The following TACC2 variants were observed in gnomAD, a reference collection of about 807,000 sequenced individuals.
TACC2 encodes transforming acidic coiled-coil containing protein 2.
A neutral mutation model predicts 227.3 loss-of-function variants in TACC2; 137 were observed. The observed-to-expected ratio is 0.60, with a 90% CI of 0.52 to 0.69. The LOEUF (loss-of-function observed/expected upper bound fraction) is 0.69, where lower values mean the gene tolerates loss of function less well. Among genes scored for constraint, TACC2 ranks in the 30% least tolerant of loss-of-function variants. The pLI is 0.00. For synonymous variants in TACC2, 1,523 were observed against 1,487.5 expected (o/e 1.02, Z -0.55); for missense variants, 3,470 against 3,694.4 (o/e 0.94, Z 1.57).
rs996266300 is a variant in TACC2 at position 122,205,848 on chromosome 10, A to G, written c.5972-4549A>G. The stretch of plus-strand genomic sequence containing the variant: ...CCCACAGCAACCAGCAAACTGCCAC[A>G]GAAAGACCAAGTACTGCTTTGTATC... On this transcript the variant is annotated intron_variant, in intron 8 of 22. Coordinates refer to ENST00000369005, the MANE Select transcript of TACC2 (RefSeq NM_206862.4). This position sits in a 1 kb window ranked among gnomAD's most constrained non-coding sequence, Gnocchi z 4.5. Among the ~76,000 whole-genome samples the G allele has an allele frequency of 6.6e-6, 1 of 152,258 alleles. No individual in the cohort carries two copies. Among genetic ancestry groups the G allele is most frequent in the African/African-American group, 2.4e-5 (1 of 41,468 alleles).
chr10:122,030,475 G>A (rs775090337), intron 2 of TACC2, among the ~76,000 whole-genome samples: 47 of 152,118 alleles, frequency 3.1e-4, no homozygotes, highest in Non-Finnish European at 5.4e-4. Flanking sequence ...TGCAGGCGAC[G>A]GATGTTCTAA....
chr10:122,192,453 C>G (rs1019571106), intron 7 of TACC2: 9 of 331,790 alleles, frequency 2.7e-5, no homozygotes, highest in Non-Finnish European at 4.2e-5. Context: ...TCGCCAGTGC[C>G]CAGGAATGCA....
intron 5 of TACC2, among the ~76,000 whole-genome samples, chr10:122,111,949 A>C (rs2083687517): frequency 1.3e-5 from 2 of 152,228 alleles, no homozygotes; most frequent in Admixed American, 1.3e-4. Context: ...AGTTTCCATA[A>C]AAAATGTGAC....
At chr10:122,036,483 G>A (rs1474755905) in intron 2 of TACC2, among the ~76,000 whole-genome samples, 3 of 143,508 alleles carry the variant, frequency 2.1e-5, no homozygotes, top group Non-Finnish European at 1.5e-5. Flanking sequence ...ATGCGCCACC[G>A]TGCCTGGCAA....
chr10:122,050,377 T>G lies in TACC2; in HGVS notation c.34-61T>G, dbSNP rs2136195756. 1 of 1,355,502 alleles carries G rather than the reference T, an allele frequency of 7.4e-7. No individual in the cohort carries two copies. The highest frequency in any genetic ancestry group is 1.8e-4 in the Middle Eastern group (1 of 5,468). The allele number at this position is 1,355,502 out of a possible 1,614,324, so 84.0% of individuals were successfully genotyped here. A position where few individuals can be genotyped will look rare whatever the true frequency, so the allele number is the denominator to read the frequency against. The stretch of plus-strand genomic sequence containing the variant: ...TGGTGGGTGCCCTGTTGATAAATGT[T>G]TTTGTGTTTTCAGAGACTCCTATCT... On this transcript the variant is annotated intron_variant, in intron 2 of 22. Transcript: ENST00000369005. The surrounding 1 kb of genome is among the most constrained non-coding windows in gnomAD (Gnocchi z 4.6).
chr10:122,043,570 TTCTTTCTTC>T (rs767457912), intron 2 of TACC2, among the ~76,000 whole-genome samples: 110,541 of 149,414 alleles, frequency 0.74, 41,051 homozygotes, highest in South Asian at 0.78. Context: ...CTCTCTCTCT[TTCTTTCTTC>T]CTTTCTTCCT....
chr10:122,063,839 C>A (rs2077102147), intron 3 of TACC2, among the ~76,000 whole-genome samples: 2 of 150,702 alleles, frequency 1.3e-5, no homozygotes, highest in Admixed American at 6.6e-5. Flanking sequence ...AATACACACA[C>A]ACACACACAC....
In TACC2 at chr10:122,211,034, C is replaced by T; in HGVS notation, c.6609C>T (p.Cys2203=). ...LEPAVGPKAA[C]PLDSESAEGV... The stretch of plus-strand genomic sequence containing the variant: ...CCGCTGTGGGGCCCAAAGCTGCCTG[C>T]CCTCTGGACTCAGAGAGTGCAGAAG... Residue 2203 remains cysteine (C), a synonymous_variant, in exon 9 of 23, where the codon TGC becomes TGT. Transcript: ENST00000369005. 1 of 1,612,170 alleles carries T rather than the reference C, an allele frequency of 6.2e-7. No homozygotes were observed. The highest frequency in any genetic ancestry group is 8.5e-7 in the Non-Finnish European group (1 of 1,179,226).
chr10:122,222,737 G>T (rs1357331254), intron 11 of TACC2, among the ~76,000 whole-genome samples: 1 of 152,200 alleles, frequency 6.6e-6, no homozygotes, highest in African/African-American at 2.4e-5. Context: ...CTCGCCCGGG[G>T]CCACAGGCCC....
At chr10:122,139,875 C>G (rs1037765866) in intron 6 of TACC2, among the ~76,000 whole-genome samples, 1 of 152,192 alleles carries the variant, frequency 6.6e-6, no homozygotes, top group East Asian at 1.9e-4. Flanking sequence ...ACAGCCTGGG[C>G]CACTCTGGTG....
chr10:122,154,117 G>A (rs2092301826), intron 7 of TACC2, among the ~76,000 whole-genome samples: 1 of 152,228 alleles, frequency 6.6e-6, no homozygotes, highest in South Asian at 2.1e-4. Flanking sequence ...GCTGGAAACA[G>A]TTTGGATGTC....
intron 3 of TACC2, among the ~76,000 whole-genome samples, chr10:122,072,909 G>C (rs546696410): frequency 4.0e-5 from 6 of 151,602 alleles, no homozygotes; most frequent in Middle Eastern, 3.4e-3. Flanking sequence ...GTCAGGAGAT[G>C]GAGACCATCC....
At chr10:122,187,131 T>C (rs1261884516) in intron 7 of TACC2, among the ~76,000 whole-genome samples, 12 of 152,200 alleles carry the variant, frequency 7.9e-5, no homozygotes. Context: ...AATAAGCCAA[T>C]TTCAAAACTA....
rs1006309780 is a variant in TACC2, at chr10:122,050,236, G to C, written c.34-202G>C. Among the ~76,000 whole-genome samples, 1 of 152,182 alleles carries C rather than the reference G, an allele frequency of 6.6e-6. No homozygotes were observed. Among genetic ancestry groups the C allele is most frequent in the Non-Finnish European group, 1.5e-5 (1 of 68,046 alleles). On this transcript the variant is annotated intron_variant, in intron 2 of 22. Coordinates refer to ENST00000369005, the MANE Select transcript of TACC2 (RefSeq NM_206862.4). This position sits in a 1 kb window ranked among gnomAD's most constrained non-coding sequence, Gnocchi z 4.6. The stretch of plus-strand genomic sequence containing the variant: ...ACTTTGTTTCTTCCCCACTGGATGA[G>C]AGCAGCAGCCACCTTTGCTTCGCTG...
At position 122,070,748 on chromosome 10, in the gene TACC2, C is replaced by T. The variant is rs558599112; in HGVS notation, c.147-11899C>T. Among the ~76,000 whole-genome samples, 531 of 108,658 alleles carry T rather than the reference C, an allele frequency of 4.9e-3. 4 individuals are homozygous for T. Among genetic ancestry groups the T allele is most frequent in the African/African-American group, 0.018 (503 of 28,206 alleles). 71.3% of individuals were successfully genotyped at this position (108,658 alleles called of 152,430 possible). ...AGCCTGGGCAAGAAGAGCAAAATTC[C>T]GTCTCAAAAAAAAAAAAAAAAAAGA... On this transcript the variant is annotated intron_variant, in intron 3 of 22. Transcript: ENST00000369005.
rs779516893 is a variant in TACC2, at chr10:122,211,363, A to G, written c.6938A>G (p.Asn2313Ser). ...KMKKTPEKLD[N>S]TPASPPRSPA... is the part of the protein sequence containing the mutation. ...AAAAAGACACCCGAGAAACTTGACA[A>G]CACTCCTGCCTCACCTCCCAGATCC... Residue 2313 changes from asparagine (N) to serine (S), a missense_variant, in exon 9 of 23, where the codon AAC (asparagine) becomes AGC (serine). Physicochemically the swap from Asn to Ser is conservative, Grantham distance 46. Coordinates refer to ENST00000369005, the MANE Select transcript of TACC2 (RefSeq NM_206862.4). 6.2e-6 allele frequency: 10 copies of G among 1,613,756 alleles called. No individual in the cohort carries two copies. The highest frequency in any genetic ancestry group is 4.4e-5 in the South Asian group (4 of 91,032).
At chr10:122,080,301 C>T (rs1193824262) in intron 3 of TACC2, among the ~76,000 whole-genome samples, 1 of 149,046 alleles carries the variant, frequency 6.7e-6, no homozygotes, top group African/African-American at 2.5e-5. Flanking sequence ...GACATGTTCT[C>T]AGCTCACTGC....
chr10:122,145,651 T>A (rs1194178991), intron 7 of TACC2, among the ~76,000 whole-genome samples: 5 of 152,178 alleles, frequency 3.3e-5, no homozygotes, highest in African/African-American at 4.8e-5. Flanking sequence ...TCATTTTTTT[T>A]AAAAGAACTT....
At chr10:122,157,819 T>G (rs1165790413) in intron 7 of TACC2, among the ~76,000 whole-genome samples, 1 of 151,276 alleles carries the variant, frequency 6.6e-6, no homozygotes, top group Non-Finnish European at 1.5e-5. Context: ...AGCTGAAATA[T>G]CAAGCCAGCA....
Sources: gnomAD v4.1 joint callset for allele counts (sites outside exome capture counted in the v4.1 genomes callset) on GRCh38, gnomAD v4.1.1 for gene constraint, Gnocchi (gnomAD v3.1) non-coding constraint, MANE v1.5 for transcripts, NCBI Gene and HGNC (gene_info 2026-07-23, HGNC 2026-07-21) for gene names.